MYLK3: variants seen among roughly 807,000 people sequenced by gnomAD.
MYLK3 encodes the protein myosin light chain kinase 3.
MYLK3 carries 55 observed loss-of-function variants against 76.3 expected under a neutral mutation model. The observed-to-expected ratio is 0.72, with a 90% CI of 0.58 to 0.90. MYLK3 has a LOEUF of 0.90. Ranked by LOEUF, MYLK3 falls within the 40% of genes least tolerant of loss-of-function variation. MYLK3 has a pLI of 0.00. For synonymous variants in MYLK3, 416 were observed against 425.4 expected (o/e 0.98, Z 0.27); for missense variants, 973 against 1,053.6 (o/e 0.92, Z 1.06).
intron 3 of MYLK3, among the ~76,000 whole-genome samples, chr16:46,732,887 G>A (rs560449372): frequency 1.3e-5 from 2 of 152,228 alleles, no homozygotes; most frequent in Non-Finnish European, 1.5e-5. Context: ...ATGGACAGGG[G>A]TGAGGACCAT....
intron 1 of MYLK3, among the ~76,000 whole-genome samples, chr16:46,744,345 T>C (rs1177521465): frequency 4.3e-5 from 6 of 140,230 alleles, no homozygotes; most frequent in African/African-American, 1.6e-4. Flanking sequence ...TTTTTTTTTT[T>C]TTTTTTTTTT....
In MYLK3 at chr16:46,737,957, T is replaced by A. The variant is rs571248682; in HGVS notation, c.755A>T (p.Glu252Val). Residue 252 changes from glutamate to valine, a missense_variant, in exon 3 of 13, where the codon GAG (glutamate) becomes GTG (valine). By Grantham distance (121) the Glu-to-Val change is moderately radical. Coordinates refer to ENST00000394809, the MANE Select transcript of MYLK3 (RefSeq NM_182493.3). ...AGTCCTGAGGTTCTCGCTGGGTGTC[T>A]CAGGAGCCTTGGCTTCCACCTTTGT... ...LPTKVEAKAPETPSENLRTGL... is the reference protein window; with the variant it reads ...LPTKVEAKAPVTPSENLRTGL... The A allele has an allele frequency of 1.2e-6, 2 of 1,614,156 alleles. No homozygotes were observed. Among genetic ancestry groups the A allele is most frequent in the African/African-American group, 2.7e-5 (2 of 75,062 alleles).
At chr16:46,709,850 G>A (rs1966665036) in intron 11 of MYLK3, among the ~76,000 whole-genome samples, 179 bp from the exon 12 acceptor site, 1 of 152,208 alleles carries the variant, frequency 6.6e-6, no homozygotes, top group African/African-American at 2.4e-5. Flanking sequence ...CAAAGTGCCA[G>A]AAGGTCGTCA....
In MYLK3 at chr16:46,747,995, G is replaced by C; in HGVS notation, c.199C>G (p.Leu67Val). 1 of 1,613,578 alleles carries C rather than the reference G, an allele frequency of 6.2e-7. No individual in the cohort carries two copies. Among genetic ancestry groups the C allele is most frequent in the Non-Finnish European group, 8.5e-7 (1 of 1,179,990 alleles). Reference protein sequence around the residue: ...MGHLERGLHRLEASRAPGPGG... With the variant: ...MGHLERGLHRVEASRAPGPGG... ...GGGCCCGGTGCCCGGGAGGCCTCCA[G>C]CCTGTGCAGGCCCCGCTCCAGGTGG... is the stretch of plus-strand genomic sequence containing the variant. The change falls in exon 1 of 13, where the codon CTG becomes GTG. Residue 67 changes from leucine to valine, a missense_variant. This residue lies in a region of MYLK3 where 641 missense variants were observed against 637.0 expected (regional missense o/e 1.01). Coordinates refer to ENST00000394809, the MANE Select transcript of MYLK3 (RefSeq NM_182493.3).
At chr16:46,731,944 C>A (rs1369963319) in intron 4 of MYLK3, among the ~76,000 whole-genome samples, 1 of 152,068 alleles carries the variant, frequency 6.6e-6, no homozygotes, top group Non-Finnish European at 1.5e-5. Context: ...CAGAGCAAGA[C>A]CCTGTCTCCA....
rs1187922028 is a variant in MYLK3 at position 46,734,429 on chromosome 16, C to A, written c.1002-1761G>T. ...AGGAGTTTGATACCAGACTGGCCAA[C>A]ATGGAGAAAGTCCATCTCTACTAAA... On this transcript the variant is annotated intron_variant, in intron 3 of 12. Coordinates refer to ENST00000394809, the MANE Select transcript of MYLK3 (RefSeq NM_182493.3). Among the ~76,000 whole-genome samples the A allele has an allele frequency of 2.0e-5, 3 of 152,150 alleles. No individual in the cohort carries two copies. In the East Asian group the frequency reaches 5.8e-4, roughly 29 times the overall value.
chr16:46,742,370 A>C (rs1333371232), intron 1 of MYLK3, among the ~76,000 whole-genome samples: 1 of 151,558 alleles, frequency 6.6e-6, no homozygotes, highest in East Asian at 1.9e-4. Context: ...CAGCCTGGCC[A>C]ACAGGGTGAA....
intron 9 of MYLK3, among the ~76,000 whole-genome samples, chr16:46,716,663 TCTGA>T (rs1023777988): frequency 2.6e-5 from 4 of 152,074 alleles, no homozygotes; most frequent in Non-Finnish European, 5.9e-5. Flanking sequence ...AGGACTCTAC[TCTGA>T]CTGTGGATCA....
chr16:46,752,807 G>A (rs1967143746), upstream of MYLK3, among the ~76,000 whole-genome samples: 3 of 152,286 alleles, frequency 2.0e-5, no homozygotes, highest in South Asian at 6.2e-4. Flanking sequence ...TTGAGCCTGG[G>A]AGGTTGAGGC....
intron 3 of MYLK3, among the ~76,000 whole-genome samples, chr16:46,737,058 C>T (rs1186673953): frequency 1.3e-5 from 2 of 152,242 alleles, no homozygotes; most frequent in Non-Finnish European, 2.9e-5. Flanking sequence ...TTCCTGAGGG[C>T]CCTGTCCTTC....
chr16:46,738,155 C>G lies in MYLK3; in HGVS notation c.569-12G>C. Reference sequence around the variant, plus strand: ...CGCCTTCTGGCTCTCTACAGGAAAACAGGCAGGACAAAAATGCACTCCCAT... The same window carrying G: ...CGCCTTCTGGCTCTCTACAGGAAAAGAGGCAGGACAAAAATGCACTCCCAT... On this transcript the variant is annotated splice_polypyrimidine_tract_variant and intron_variant, in intron 2 of 12. Transcript: ENST00000394809. 6.7e-7 allele frequency: 1 copy of G among 1,501,370 alleles called. No homozygotes were observed. The highest frequency in any genetic ancestry group is 8.9e-7 in the Non-Finnish European group (1 of 1,129,416). The allele number at this position is 1,501,370 out of a possible 1,614,324, so 93.0% of individuals were successfully genotyped here.
chr16:46,718,187 CA>C (rs1203601158), intron 9 of MYLK3, among the ~76,000 whole-genome samples: 1 of 152,194 alleles, frequency 6.6e-6, no homozygotes, highest in Non-Finnish European at 1.5e-5. Context: ...GGGCTCACTA[CA>C]GGGCAGGCAG....
intron 4 of MYLK3, 43 bp from the exon 5 acceptor site, chr16:46,730,741 G>C (rs1235468933): frequency 1.9e-6 from 3 of 1,571,350 alleles, no homozygotes; most frequent in Non-Finnish European, 2.6e-6. Context: ...CCTCTGTGCA[G>C]CCCACACCTC....
Position 46,702,599 on chromosome 16 carries a change from C to T in MYLK3, c.*5105G>A, listed in dbSNP as rs1168294826. Among the ~76,000 whole-genome samples the T allele has an allele frequency of 6.6e-6, 1 of 152,152 alleles. No individual in the cohort carries two copies. Among genetic ancestry groups the T allele is most frequent in the Non-Finnish European group, 1.5e-5 (1 of 68,036 alleles). ...GGGTCAACACAAGGTTCACACTTGA[C>T]ATTGAGTTGTGAATTTTTAATTATA... On this transcript the variant is annotated 3_prime_UTR_variant, in exon 13 of 13. Coordinates refer to ENST00000394809, the MANE Select transcript of MYLK3 (RefSeq NM_182493.3).
At chr16:46,733,745 CTA>C (rs1382438601) in intron 3 of MYLK3, among the ~76,000 whole-genome samples, 1 of 152,086 alleles carries the variant, frequency 6.6e-6, no homozygotes, top group Non-Finnish European at 1.5e-5. Context: ...AGCACGGGGT[CTA>C]TGTGTGTTAG....
intron 4 of MYLK3, among the ~76,000 whole-genome samples, chr16:46,731,875 G>C (rs752188397): frequency 6.6e-6 from 1 of 152,114 alleles, no homozygotes; most frequent in Non-Finnish European, 1.5e-5. Flanking sequence ...AGGATCACTT[G>C]AACCTGGGTC....
chr16:46,736,425 T>C (rs1966868707), intron 3 of MYLK3, among the ~76,000 whole-genome samples: 1 of 152,328 alleles, frequency 6.6e-6, no homozygotes, highest in South Asian at 2.1e-4. Flanking sequence ...TGATCTCCTC[T>C]CTTCCTGAGG....
intron 1 of MYLK3, among the ~76,000 whole-genome samples, chr16:46,756,765 G>A (rs1401929764): frequency 1.3e-5 from 2 of 152,190 alleles, no homozygotes; most frequent in African/African-American, 2.4e-5. Context: ...CATCTGCACT[G>A]GGGGCCCATT....
intron 8 of MYLK3, among the ~76,000 whole-genome samples, chr16:46,724,931 G>A (rs1343568550): frequency 6.6e-6 from 1 of 152,138 alleles, no homozygotes; most frequent in Non-Finnish European, 1.5e-5. Context: ...ACCATGGCAT[G>A]CCTTTCCATT....
Sources: gnomAD v4.1 joint callset for allele counts (sites outside exome capture counted in the v4.1 genomes callset) on GRCh38, gnomAD v4.1.1 for gene constraint, gnomAD v4.1.1 regional missense constraint, MANE v1.5 for transcripts, NCBI Gene and HGNC (gene_info 2026-07-23, HGNC 2026-07-21) for gene names.